The following TMTC1 variants were observed in gnomAD, a reference collection of about 807,000 sequenced individuals.
TMTC1 encodes the protein protein O-mannosyl-transferase TMTC1.
In TMTC1, 73 loss-of-function variants were observed where a neutral mutation model predicts 104.8. The ratio of observed to expected loss-of-function variants is 0.70; its 90% CI spans 0.58 to 0.85. The LOEUF (loss-of-function observed/expected upper bound fraction) is 0.85, where lower values mean the gene tolerates loss of function less well. Ranked by LOEUF, TMTC1 falls within the 40% of genes least tolerant of loss-of-function variation. TMTC1 has a pLI of 0.00. For synonymous variants in TMTC1, 434 were observed against 428.7 expected, an observed-to-expected ratio of 1.01 and a Z score of -0.15; for missense variants, 1,035 against 1,096.1, an observed-to-expected ratio of 0.94 and a Z score of 0.79.
intron 5 of TMTC1, among the ~76,000 whole-genome samples, chr12:29,637,186 C>T (rs1938604251): frequency 6.6e-6 from 1 of 152,032 alleles, no homozygotes; most frequent in African/African-American, 2.4e-5. Flanking sequence ...AAGCTAATTA[C>T]ACTGGAGATA....
At chr12:29,661,583 G>GCCCAGC (rs879415496) in intron 5 of TMTC1, among the ~76,000 whole-genome samples, 63,072 of 149,204 alleles carry the variant, frequency 0.42, 13,996 homozygotes, top group African/African-American at 0.53. Flanking sequence ...TGTATTTTTA[G>GCCCAGC]TATTTTTGTA....
At chr12:29,669,642 C>G (rs550245284) in intron 5 of TMTC1, among the ~76,000 whole-genome samples, 2 of 152,226 alleles carry the variant, frequency 1.3e-5, no homozygotes, top group East Asian at 1.9e-4. Flanking sequence ...GCATGTGTTA[C>G]GTTTACTTAG....
intron 5 of TMTC1, among the ~76,000 whole-genome samples, chr12:29,655,133 G>A (rs910206043): frequency 6.6e-6 from 1 of 152,014 alleles, no homozygotes; most frequent in Non-Finnish European, 1.5e-5. Flanking sequence ...CGCCTGCCTC[G>A]GCCTCCCAAA....
At chr12:29,721,702 C>T (rs1280859343) in intron 5 of TMTC1, among the ~76,000 whole-genome samples, 1 of 151,896 alleles carries the variant, frequency 6.6e-6, no homozygotes, top group African/African-American at 2.4e-5. Context: ...TCTTATACAC[C>T]AGCACTTTTT....
intron 5 of TMTC1, among the ~76,000 whole-genome samples, chr12:29,665,591 T>C (rs1940245915): frequency 6.6e-6 from 1 of 152,232 alleles, no homozygotes; most frequent in Non-Finnish European, 1.5e-5. Context: ...TATAAATCAA[T>C]GACCTTTGTT....
intron 5 of TMTC1, among the ~76,000 whole-genome samples, chr12:29,694,055 C>T (rs11050384): frequency 0.015 from 2,342 of 152,232 alleles, 63 homozygotes; most frequent in African/African-American, 0.054. Context: ...CAAATATTAG[C>T]TGCAGCTTAA....
chr12:29,625,498 C>G (rs925020469), intron 6 of TMTC1, among the ~76,000 whole-genome samples: 31 of 152,176 alleles, frequency 2.0e-4, no homozygotes, highest in African/African-American at 7.0e-4. Context: ...CAAGAATTGC[C>G]AGAGGCTCTA....
At chr12:29,541,273 T>G (rs1488141799) in intron 10 of TMTC1, among the ~76,000 whole-genome samples, 1 of 152,168 alleles carries the variant, frequency 6.6e-6, no homozygotes, top group African/African-American at 2.4e-5. Flanking sequence ...CCAAGCACAC[T>G]GCTAAGCCGC....
At chr12:29,590,611 C>G (rs1388212331) in intron 7 of TMTC1, among the ~76,000 whole-genome samples, 1 of 152,098 alleles carries the variant, frequency 6.6e-6, no homozygotes, top group Non-Finnish European at 1.5e-5. Flanking sequence ...ATGGTGAAAC[C>G]CTGTCTCTAC....
intron 5 of TMTC1, among the ~76,000 whole-genome samples, chr12:29,635,229 G>A (rs2136515871): frequency 6.6e-6 from 1 of 151,828 alleles, no homozygotes; most frequent in African/African-American, 2.4e-5. Flanking sequence ...TCAGGCTTGG[G>A]CCTGCGACAT....
intron 5 of TMTC1, among the ~76,000 whole-genome samples, chr12:29,716,824 G>A (rs1409672415): frequency 2.6e-5 from 4 of 152,100 alleles, no homozygotes; most frequent in African/African-American, 9.7e-5. Context: ...GACCATCCTG[G>A]CTAACACAGT....
intron 5 of TMTC1, among the ~76,000 whole-genome samples, chr12:29,750,448 G>A (rs941355850): frequency 2.0e-5 from 3 of 152,190 alleles, no homozygotes; most frequent in African/African-American, 7.2e-5. Context: ...CTACACAAGA[G>A]CAAGGACCTT....
At chr12:29,737,350 C>T (rs1461467492) in intron 5 of TMTC1, among the ~76,000 whole-genome samples, 1 of 152,130 alleles carries the variant, frequency 6.6e-6, no homozygotes, top group Admixed American at 6.5e-5. Context: ...GAAACCCCGT[C>T]TCTACTAAAA....
intron 10 of TMTC1, among the ~76,000 whole-genome samples, chr12:29,542,965 A>T (rs1236292348): frequency 1.3e-5 from 2 of 152,168 alleles, no homozygotes; most frequent in East Asian, 3.8e-4. Flanking sequence ...AACAAAAATA[A>T]AAATCTCCTA....
intron 1 of TMTC1, among the ~76,000 whole-genome samples, chr12:29,775,542 C>T (rs302322): frequency 0.88 from 134,271 of 152,188 alleles, 60,557 homozygotes; most frequent in East Asian, 0.99. Flanking sequence ...AAGAAACCTA[C>T]GGGACAAGGT....
In TMTC1 at chr12:29,593,295, C is replaced by T. The variant is rs982332480; in HGVS notation, c.1251-9721G>A. ...AATGTATGTAAACGTGTTCTGTAAA[C>T]TAAAGGTGAAGTTAAAGGTACCAAA... is the stretch of plus-strand genomic sequence containing the variant. On this transcript the variant is annotated intron_variant, in intron 7 of 17. Transcript: ENST00000539277. 5.9e-5 allele frequency among the ~76,000 whole-genome samples: 9 copies of T among 152,132 alleles called. No homozygotes were observed. In the South Asian group the frequency reaches 1.7e-3, roughly 28 times the overall value.
intron 5 of TMTC1, among the ~76,000 whole-genome samples, chr12:29,706,318 C>G (rs907486635): frequency 6.6e-6 from 1 of 152,166 alleles, no homozygotes; most frequent in Non-Finnish European, 1.5e-5. Flanking sequence ...AGGATTTGCA[C>G]AGCCAAGAAC....
intron 5 of TMTC1, among the ~76,000 whole-genome samples, chr12:29,723,141 G>A (rs1039910104): frequency 1.3e-5 from 2 of 151,930 alleles, no homozygotes; most frequent in Non-Finnish European, 2.9e-5. Context: ...TGTAGAACAC[G>A]AAAAGACACT....
rs570609361 is a variant in TMTC1, at chr12:29,783,126, G to A, written c.302+324C>T. The A allele has an allele frequency of 5.6e-4, 165 of 295,478 alleles. 1 individual carries two copies. Among genetic ancestry groups the A allele is most frequent in the African/African-American group, 3.4e-3 (160 of 46,550 alleles). 18.3% of individuals were successfully genotyped at this position (295,478 alleles called of 1,614,324 possible). ...CGCTAGTCCCACTTGGTCACGATCC[G>A]GCAGGCGAAGGGGTGCGGAGGCGGT... On this transcript the variant is annotated intron_variant, in intron 1 of 17. Coordinates refer to ENST00000539277, the MANE Select transcript of TMTC1 (RefSeq NM_001193451.2). This position sits in a 1 kb window ranked among gnomAD's most constrained non-coding sequence, Gnocchi z 4.7.
Sources: allele counts gnomAD v4.1 joint callset (sites outside exome capture counted in the v4.1 genomes callset), GRCh38; gene constraint gnomAD v4.1.1; non-coding constraint Gnocchi (gnomAD v3.1); transcripts MANE v1.5; gene names NCBI Gene and HGNC (gene_info 2026-07-23, HGNC 2026-07-21).